The following MORN3 variants were observed in gnomAD, a reference collection of about 807,000 sequenced individuals.
The protein encoded by MORN3 is MORN repeat containing 3.
Under a neutral mutation model 34.7 loss-of-function variants are expected in MORN3, and 38 were observed. That is an observed-to-expected ratio of 1.10 (90% CI 0.85 to 1.44). The LOEUF is 1.44. Among genes scored for constraint, MORN3 ranks in the 40% most tolerant of loss-of-function variants. The pLI is 0.00. For missense variants in MORN3, 311 were observed against 321.7 expected, an observed-to-expected ratio of 0.97 and a Z score of 0.25; for synonymous variants, 109 against 115.3, an observed-to-expected ratio of 0.95 and a Z score of 0.35.
intron 1 of MORN3, among the ~76,000 whole-genome samples, chr12:121,661,459 T>A (rs1486607955): frequency 1.3e-5 from 2 of 152,208 alleles, no homozygotes; most frequent in African/African-American, 4.8e-5. Flanking sequence ...CATGTCTGGG[T>A]CCTTGGTAAC....
chr12:121,663,545 A>G (rs140117445), intron 1 of MORN3, among the ~76,000 whole-genome samples: 5 of 152,262 alleles, frequency 3.3e-5, no homozygotes, highest in Non-Finnish European at 5.9e-5. Context: ...CATCTTAAGT[A>G]TATACAATTT....
intron 1 of MORN3, among the ~76,000 whole-genome samples, chr12:121,664,697 G>A: frequency 6.6e-6 from 1 of 152,036 alleles, no homozygotes; most frequent in African/African-American, 2.4e-5. Flanking sequence ...AGAGTGATTG[G>A]CTAGCCAATA....
At position 121,669,606 on chromosome 12, in the gene MORN3, C is replaced by G. The variant is rs932870631; in HGVS notation, c.-123G>C. The G allele has an allele frequency of 7.9e-6, 11 of 1,385,558 alleles. No homozygotes were observed. The highest frequency in any genetic ancestry group is 1.4e-5 in the African/African-American group (1 of 70,018). 85.8% of individuals were successfully genotyped at this position (1,385,558 alleles called of 1,614,324 possible). ...GGGGAGAGTCATGTGTGTTCTGAGTCCCTGGGGCAGGTGAACAGCCCTTAG... is the reference window on the plus strand; with the variant it reads ...GGGGAGAGTCATGTGTGTTCTGAGTGCCTGGGGCAGGTGAACAGCCCTTAG... On this transcript the variant is annotated 5_prime_UTR_variant, in exon 1 of 6. Coordinates refer to ENST00000355329, the MANE Select transcript of MORN3 (RefSeq NM_173855.5).
At chr12:121,665,382 C>T (rs1308767194) in intron 1 of MORN3, among the ~76,000 whole-genome samples, 2 of 146,752 alleles carry the variant, frequency 1.4e-5, no homozygotes, top group Admixed American at 1.4e-4. Flanking sequence ...GCTCCGCCTC[C>T]CAGGTTCACG....
At chr12:121,668,929 G>A (rs533646124) in intron 1 of MORN3, among the ~76,000 whole-genome samples, 24 of 152,208 alleles carry the variant, frequency 1.6e-4, no homozygotes, top group East Asian at 9.6e-4. Context: ...TGTGCCTGGC[G>A]CTCAGCCCTC....
chr12:121,663,038 C>T (rs572200646), intron 1 of MORN3, among the ~76,000 whole-genome samples: 11 of 152,080 alleles, frequency 7.2e-5, no homozygotes, highest in South Asian at 6.2e-4. Context: ...TGTACAGCAT[C>T]GTTCTATATT....
chr12:121,669,548 G>A lies in MORN3; in HGVS notation c.-65C>T, dbSNP rs917872557. 2.2e-5 allele frequency: 35 copies of A among 1,595,162 alleles called. No individual in the cohort carries two copies. The highest frequency in any genetic ancestry group is 1.7e-4 in the Middle Eastern group (1 of 6,006). ...GTTAGGGACATCTGGGGCTCAGCGC[G>A]CCCCGTGTAATGCCGGGATCCTGAG... On this transcript the variant is annotated 5_prime_UTR_variant, in exon 1 of 6. Transcript: ENST00000355329.
At chr12:121,671,173 C>T (rs540647691), upstream of MORN3, among the ~76,000 whole-genome samples, 15 of 149,868 alleles carry the variant, frequency 1.0e-4, no homozygotes, top group South Asian at 1.3e-3. Flanking sequence ...TTTGGGAGGC[C>T]GAGGCGGGTG....
At position 121,654,049 on chromosome 12, in the gene MORN3, T is replaced by G. The variant is rs528205554; in HGVS notation, c.463+225A>C. ...AGTCTACTTTCTGTCTCTGTGGAGG[T>G]GCGTGTCCTAAAAATTTCATATAAA... On this transcript the variant is annotated intron_variant, in intron 3 of 5. Coordinates refer to ENST00000355329, the MANE Select transcript of MORN3 (RefSeq NM_173855.5). Among the ~76,000 whole-genome samples, 56 of 152,054 alleles carry G rather than the reference T, an allele frequency of 3.7e-4. 1 individual carries two copies. Among genetic ancestry groups the G allele is most frequent in the Non-Finnish European group, 5.7e-4 (39 of 67,976 alleles).
chr12:121,667,428 T>C (rs1469268725), intron 1 of MORN3, among the ~76,000 whole-genome samples: 1 of 151,876 alleles, frequency 6.6e-6, no homozygotes, highest in Non-Finnish European at 1.5e-5. Flanking sequence ...TAATTTTTTG[T>C]ATTTTTAGTA....
chr12:121,651,923 G>GGTTTGTTTGTTT (rs199928766), intron 5 of MORN3, among the ~76,000 whole-genome samples: 3 of 151,872 alleles, frequency 2.0e-5, no homozygotes, highest in African/African-American at 7.3e-5. Flanking sequence ...TCAGTGAAAT[G>GGTTTGTTTGTTT]GTTTGTTTGT....
chr12:121,669,832 A>ATATAT (rs1182950355), upstream of MORN3, among the ~76,000 whole-genome samples: 19 of 133,612 alleles, frequency 1.4e-4, no homozygotes, highest in African/African-American at 4.1e-4. Flanking sequence ...ATATATATAT[A>ATATAT]TTTTTTTTTT....
intron 4 of MORN3, 111 bp from the exon 5 acceptor site, chr12:121,652,919 C>G (rs1050559321): frequency 2.1e-6 from 3 of 1,443,938 alleles, no homozygotes; most frequent in Non-Finnish European, 2.9e-6. Context: ...CAGGAGCCAC[C>G]TCCCTTGCTA....
At chr12:121,658,706 G>A (rs1555325974) in intron 2 of MORN3, among the ~76,000 whole-genome samples, 1 of 150,788 alleles carries the variant, frequency 6.6e-6, no homozygotes, top group African/African-American at 2.5e-5. Context: ...TAGATGGAGG[G>A]AACCTGTGCC....
At chr12:121,655,907 C>G (rs1039948167) in intron 2 of MORN3, among the ~76,000 whole-genome samples, 10 of 151,028 alleles carry the variant, frequency 6.6e-5, no homozygotes, top group African/African-American at 2.4e-4. Flanking sequence ...GGTGGGTGCC[C>G]GTAGTCCCAG....
In MORN3 at chr12:121,653,208, G is replaced by A. The variant is rs370549242; in HGVS notation, c.515C>T (p.Ala172Val). ...GCWERGMKNG[A>V]GRFFHLDHGQ... Reference sequence around the variant, plus strand: ...GTGGTCCAGATGGAAGAAACGCCCCGCCCCGTTCTTCATGCCTCTCTCCCA... The same window carrying A: ...GTGGTCCAGATGGAAGAAACGCCCCACCCCGTTCTTCATGCCTCTCTCCCA... The change falls in exon 4 of 6, where the codon GCG becomes GTG. Residue 172 changes from alanine (A) to valine (V), a missense_variant. Coordinates refer to ENST00000355329, the MANE Select transcript of MORN3 (RefSeq NM_173855.5). The A allele has an allele frequency of 4.0e-5, 65 of 1,614,020 alleles. No individual in the cohort carries two copies. Among genetic ancestry groups the A allele is most frequent in the East Asian group, 2.2e-4 (10 of 44,900 alleles).
Position 121,669,581 on chromosome 12 carries a change from G to T in MORN3, c.-98C>A. On this transcript the variant is annotated 5_prime_UTR_variant, in exon 1 of 6. Coordinates refer to ENST00000355329, the MANE Select transcript of MORN3 (RefSeq NM_173855.5). ...TAATGCCGGGATCCTGAGCTCAAGT[G>T]GGGAGAGTCATGTGTGTTCTGAGTC... The T allele has an allele frequency of 6.6e-7, 1 of 1,523,474 alleles. No individual in the cohort carries two copies. The highest frequency in any genetic ancestry group is 9.0e-7 in the Non-Finnish European group (1 of 1,117,012). The allele number at this position is 1,523,474 out of a possible 1,614,324, so 94.4% of individuals were successfully genotyped here. A position where few individuals can be genotyped will look rare whatever the true frequency, so the allele number is the denominator to read the frequency against.
chr12:121,660,182 C>T (rs1402226627), intron 1 of MORN3, among the ~76,000 whole-genome samples: 3 of 141,320 alleles, frequency 2.1e-5, no homozygotes, highest in Non-Finnish European at 3.0e-5. Flanking sequence ...TGCAGTGAGC[C>T]GAGATGACGT....
In MORN3 at chr12:121,654,411, C is replaced by G. The variant is rs1232259163; in HGVS notation, c.326G>C (p.Gly109Ala). ...KKSGYGIQFF[G>A]PKEYYEGDWC... ...GTCACCCTCATAATACTCCTTGGGT[C>G]CGAAAAACTGGATCCCATAACCCTG... The change falls in exon 3 of 6, where the codon GGA (glycine) becomes GCA (alanine). Residue 109 changes from glycine (G) to alanine (A), a missense_variant. Gly to Ala is a moderately conservative substitution (Grantham distance 60). Coordinates refer to ENST00000355329, the MANE Select transcript of MORN3 (RefSeq NM_173855.5). The G allele has an allele frequency of 8.1e-6, 13 of 1,596,302 alleles. No homozygotes were observed. Among genetic ancestry groups the G allele is most frequent in the Non-Finnish European group, 1.1e-5 (13 of 1,171,594 alleles).
Sources: allele counts gnomAD v4.1 joint callset (sites outside exome capture counted in the v4.1 genomes callset), GRCh38; gene constraint gnomAD v4.1.1; transcripts MANE v1.5; gene names NCBI Gene and HGNC (gene_info 2026-07-23, HGNC 2026-07-21).